Variants in ITPR1 observed in about 807,000 individuals in gnomAD.
ITPR1 encodes inositol 1,4,5-trisphosphate receptor type 1.
In ITPR1, 96 loss-of-function variants were observed where a neutral mutation model predicts 318.4. The observed-to-expected ratio is 0.30, with a 90% CI of 0.26 to 0.36. The LOEUF (loss-of-function observed/expected upper bound fraction) is 0.36. ITPR1 is among the 10% of genes least tolerant of loss of function. ITPR1 has a pLI of 1.00. For synonymous variants in ITPR1, 1,312 were observed against 1,289.9 expected (o/e 1.02, Z -0.37); for missense variants, 2,440 against 3,460.2 (o/e 0.71, Z 7.40).
intron 4 of ITPR1, among the ~76,000 whole-genome samples, chr3:4,621,585 G>A (rs575775459): frequency 6.6e-6 from 1 of 152,292 alleles, no homozygotes; most frequent in South Asian, 2.1e-4. Context: ...GGCACACCAG[G>A]TTCTTCCTTT....
At chr3:4,799,458 C>T (rs998579982) in intron 53 of ITPR1, among the ~76,000 whole-genome samples, 1 of 152,084 alleles carries the variant, frequency 6.6e-6, no homozygotes, top group East Asian at 1.9e-4. Context: ...ACTCAATGAA[C>T]TAGGGCAGCC....
chr3:4,611,258 A>G (rs144454283), intron 4 of ITPR1, among the ~76,000 whole-genome samples: 50 of 144,002 alleles, frequency 3.5e-4, no homozygotes, highest in Non-Finnish European at 5.1e-4. Flanking sequence ...AAAAAACTAT[A>G]TATGTACAAA....
At chr3:4,603,015 C>T (rs911369386) in intron 4 of ITPR1, among the ~76,000 whole-genome samples, 7 of 151,982 alleles carry the variant, frequency 4.6e-5, no homozygotes, top group African/African-American at 1.7e-4. Context: ...ATAAAAATGA[C>T]TACATGTAAA....
intron 38 of ITPR1, 150 bp from the exon 39 acceptor site, chr3:4,711,607 A>G: frequency 1.7e-6 from 1 of 596,674 alleles, no homozygotes; most frequent in Non-Finnish European, 3.0e-6. Flanking sequence ...GGCTGTTCTC[A>G]GTGCAGGGAA....
At chr3:4,627,175 A>G (rs2092857308) in intron 4 of ITPR1, among the ~76,000 whole-genome samples, 1 of 152,230 alleles carries the variant, frequency 6.6e-6, no homozygotes, top group Non-Finnish European at 1.5e-5. Flanking sequence ...TTGTATAAAA[A>G]AAAAAATACT....
intron 21 of ITPR1, 52 bp from the exon 22 acceptor site, chr3:4,674,150 T>C (rs1417897638): frequency 1.3e-5 from 19 of 1,480,944 alleles, no homozygotes; most frequent in Non-Finnish European, 1.7e-5. Flanking sequence ...CAGGAAGACC[T>C]CTCTGGGAAT....
intron 4 of ITPR1, among the ~76,000 whole-genome samples, chr3:4,534,820 C>A (rs951691857): frequency 6.6e-6 from 1 of 152,164 alleles, no homozygotes; most frequent in African/African-American, 2.4e-5. Context: ...CTCTCCTCCC[C>A]CTATAACCAT....
At chr3:4,495,840 G>A (rs902302446) in intron 2 of ITPR1, among the ~76,000 whole-genome samples, 3 of 152,144 alleles carry the variant, frequency 2.0e-5, no homozygotes, top group Non-Finnish European at 2.9e-5. Flanking sequence ...AGTTGATTTG[G>A]GGATGCTGGT....
At chr3:4,650,655 G>A (rs1442496930) in intron 10 of ITPR1, among the ~76,000 whole-genome samples, 4 of 146,298 alleles carry the variant, frequency 2.7e-5, no homozygotes, top group East Asian at 4.0e-4. Flanking sequence ...GCGCGCGTCT[G>A]TCTGTGTCTG....
At chr3:4,733,876 T>A (rs1446760809) in intron 43 of ITPR1, among the ~76,000 whole-genome samples, 1 of 152,208 alleles carries the variant, frequency 6.6e-6, no homozygotes, top group East Asian at 1.9e-4. Context: ...AGGTAAAAGA[T>A]ACAAAAACAT....
At chr3:4,673,870 C>T (rs748057169) in intron 21 of ITPR1, among the ~76,000 whole-genome samples, 1 of 152,222 alleles carries the variant, frequency 6.6e-6, no homozygotes, top group African/African-American at 2.4e-5. Flanking sequence ...GCGTGAGCCA[C>T]CGCGCCTGGC....
chr3:4,585,857 C>T (rs965670315), intron 4 of ITPR1, among the ~76,000 whole-genome samples: 8 of 152,166 alleles, frequency 5.3e-5, no homozygotes, highest in Non-Finnish European at 1.2e-4. Flanking sequence ...GCCATGGTGG[C>T]TTGCTGCACC....
intron 60 of ITPR1, chr3:4,830,829 C>A: frequency 2.3e-6 from 1 of 431,474 alleles, no homozygotes; most frequent in Non-Finnish European, 4.7e-6. Flanking sequence ...TCTTCTCCCC[C>A]ATGACCCTTT....
intron 50 of ITPR1, among the ~76,000 whole-genome samples, chr3:4,783,063 T>C (rs1228573885): frequency 6.6e-6 from 1 of 152,240 alleles, no homozygotes; most frequent in Non-Finnish European, 1.5e-5. Flanking sequence ...CTTTTATAAA[T>C]ATTGATGAGC....
At position 4,847,261 on chromosome 3, in the gene ITPR1, T is replaced by G. The variant is rs1407693763; in HGVS notation, c.*1036T>G. On this transcript the variant is annotated 3_prime_UTR_variant, in exon 62 of 62. Coordinates refer to ENST00000649015, the MANE Select transcript of ITPR1 (RefSeq NM_001378452.1). ...GTTGACCACAGACATGTTATTCTTC[T>G]GAAAGAGCCACATTTTGGTTTTATT... The G allele has an allele frequency of 5.2e-5, 8 of 152,650 alleles. No individual in the cohort carries two copies. 9.5% of individuals were successfully genotyped at this position (152,650 alleles called of 1,614,324 possible). A position where few individuals can be genotyped will look rare whatever the true frequency, so the allele number is the denominator to read the frequency against.
intron 36 of ITPR1, among the ~76,000 whole-genome samples, chr3:4,705,937 G>A (rs377618053): frequency 6.6e-6 from 1 of 152,304 alleles, no homozygotes; most frequent in East Asian, 1.9e-4. Context: ...TGACCTGAGA[G>A]CATTTTAACA....
intron 33 of ITPR1, among the ~76,000 whole-genome samples, chr3:4,696,477 A>G (rs1404100012): frequency 6.6e-6 from 1 of 152,166 alleles, no homozygotes; most frequent in African/African-American, 2.4e-5. Flanking sequence ...TTTCTATTCT[A>G]TACATACACC....
chr3:4,686,614 CAT>C (rs2094399208), intron 30 of ITPR1, among the ~76,000 whole-genome samples: 1 of 152,272 alleles, frequency 6.6e-6, no homozygotes, highest in Non-Finnish European at 1.5e-5. Context: ...GGAAGAATAT[CAT>C]GTGTGTGTAT....
intron 28 of ITPR1, 105 bp downstream of exon 28, chr3:4,683,903 C>A: frequency 9.6e-7 from 1 of 1,047,108 alleles, no homozygotes; most frequent in Non-Finnish European, 1.4e-6. Flanking sequence ...GATTTATTTT[C>A]AAGAGATCTG....
Sources: gnomAD v4.1 joint callset for allele counts (sites outside exome capture counted in the v4.1 genomes callset) on GRCh38, gnomAD v4.1.1 for gene constraint, MANE v1.5 for transcripts, NCBI Gene and HGNC (gene_info 2026-07-23, HGNC 2026-07-21) for gene names.